Variants in HINT1 observed in about 807,000 individuals in gnomAD.
HINT1 encodes histidine triad nucleotide binding protein 1.
A neutral mutation model predicts 11.2 loss-of-function variants in HINT1; 12 were observed. The ratio of observed to expected loss-of-function variants is 1.07; its 90% CI spans 0.69 to 1.74. The LOEUF is 1.74. Ranked by LOEUF, HINT1 falls within the 40% of genes most tolerant of loss-of-function variation. HINT1 has a pLI of 0.00. For missense variants in HINT1, 150 were observed against 161.8 expected (o/e 0.93, Z 0.40); for synonymous variants, 42 against 52.6 (o/e 0.80, Z 0.87).
chr5:131,162,003 T>C (rs1198330829), intron 2 of HINT1: 1 of 164,464 alleles, frequency 6.1e-6, no homozygotes, highest in African/African-American at 2.4e-5. Flanking sequence ...CTTATGATTT[T>C]CTTAATAACC....
At chr5:131,161,846 C>A (rs1755257684) in intron 2 of HINT1, among the ~76,000 whole-genome samples, 1 of 152,136 alleles carries the variant, frequency 6.6e-6, no homozygotes, top group Admixed American at 6.6e-5. Flanking sequence ...TACTCATATG[C>A]AAATTTTCTT....
At chr5:131,160,909 G>C (rs570665687) in intron 2 of HINT1, 1 of 447,804 alleles carries the variant, frequency 2.2e-6, no homozygotes, top group Non-Finnish European at 4.5e-6. Flanking sequence ...TAAGTGTTCC[G>C]AGCAAGCTTA....
Position 131,165,095 on chromosome 5 carries a change from C to G in HINT1, c.111G>C (p.Arg37=). 6.2e-7 allele frequency: 1 copy of G among 1,613,710 alleles called. No homozygotes were observed. The highest frequency in any genetic ancestry group is 8.5e-7 in the Non-Finnish European group (1 of 1,179,880). The stretch of plus-strand genomic sequence containing the variant: ...GAGAGAGGTGGTGCCCAGTACCTAC[C>G]CGGTCATCCTCAAAAATGATTTTGG... ...IPAKIIFEDD[R]CLAFHDISPQ... The change falls in exon 1 of 3, where the codon CGG becomes CGC. Residue 37 remains arginine (R), a splice_region_variant and synonymous_variant. Transcript: ENST00000304043.
chr5:131,161,510 G>A (rs1448905610), intron 2 of HINT1, among the ~76,000 whole-genome samples: 2 of 151,200 alleles, frequency 1.3e-5, no homozygotes, highest in Non-Finnish European at 2.9e-5. Context: ...CAGGGGAATC[G>A]CTTGTACCCA....
chr5:131,162,108 G>C (rs1354963469), intron 2 of HINT1: 1 of 333,540 alleles, frequency 3.0e-6, no homozygotes, highest in Non-Finnish European at 5.5e-6. Flanking sequence ...GGCGGATCAC[G>C]AGGTCAGGAA....
intron 1 of HINT1, 41 bp downstream of exon 1, chr5:131,165,054 A>AC (rs1361168570): frequency 2.5e-6 from 4 of 1,612,294 alleles, no homozygotes; most frequent in African/African-American, 1.3e-5. Context: ...CGCGGACGAT[A>AC]CCCACCTCAG....
intron 2 of HINT1, chr5:131,162,178 G>C (rs777349067): frequency 4.7e-5 from 24 of 512,872 alleles, no homozygotes; most frequent in Non-Finnish European, 7.5e-5. Flanking sequence ...CAAAAAATTA[G>C]CCAGCCTTGG....
At chr5:131,162,150 C>A (rs1316646914) in intron 2 of HINT1, 1 of 463,456 alleles carries the variant, frequency 2.2e-6, no homozygotes, top group African/African-American at 2.0e-5. Context: ...ATGGTGAAAG[C>A]CGTCTCTACT....
Position 131,162,671 on chromosome 5 carries a change from A to T in HINT1, c.117T>A (p.Leu39=), listed in dbSNP as rs78949626. The T allele has an allele frequency of 1.9e-6, 3 of 1,597,184 alleles. No homozygotes were observed. The highest frequency in any genetic ancestry group is 2.6e-6 in the Non-Finnish European group (3 of 1,165,702). The part of the protein sequence containing the change: ...AKIIFEDDRC[L]AFHDISPQAP... ...CTTGAGGGGAAATGTCATGGAAAGC[A>T]AGGCACTAGGGAAAAGAGAAATAAA... Residue 39 remains leucine (L), a synonymous_variant, in exon 2 of 3, where the codon CTT becomes CTA. Coordinates refer to ENST00000304043, the MANE Select transcript of HINT1 (RefSeq NM_005340.7).
intron 2 of HINT1, chr5:131,162,272 G>A (rs1467331701): frequency 3.2e-6 from 2 of 615,816 alleles, no homozygotes; most frequent in Admixed American, 5.7e-5. Flanking sequence ...GCAGTGAGCC[G>A]AGTGCCACTG....
At chr5:131,162,360 A>C (rs1322431134) in intron 2 of HINT1, 5 of 920,066 alleles carry the variant, frequency 5.4e-6, no homozygotes, top group Non-Finnish European at 8.5e-6. Context: ...TGATAAGGAT[A>C]CGGAGAAGCT....
At chr5:131,163,541 G>A (rs1479654751) in intron 1 of HINT1, among the ~76,000 whole-genome samples, 2 of 150,020 alleles carry the variant, frequency 1.3e-5, no homozygotes, top group South Asian at 2.1e-4. Flanking sequence ...TGCCCTCCCC[G>A]TCCCATTACT....
At chr5:131,164,069 TA>T (rs1368888071) in intron 1 of HINT1, among the ~76,000 whole-genome samples, 1 of 152,172 alleles carries the variant, frequency 6.6e-6, no homozygotes, top group Non-Finnish European at 1.5e-5. Context: ...TTAATTTACC[TA>T]GAGGAACCTA....
At position 131,159,510 on chromosome 5, in the gene HINT1, C is replaced by T. The variant is rs1755195001; in HGVS notation, c.318G>A (p.Gln106=). The T allele has an allele frequency of 5.6e-6, 9 of 1,613,766 alleles. No homozygotes were observed. The African/African-American group carries it at 6.7e-5, about 12-fold the overall frequency. ...MVVNEGSDGG[Q]SVYHVHLHVL... ...CATGGAGATGAACGTGATAGACAGA[C>T]TGTCCACCATCTGAACCTTCATTCA... Residue 106 remains glutamine, a synonymous_variant, in exon 3 of 3, where the codon CAG becomes CAA. Coordinates refer to ENST00000304043, the MANE Select transcript of HINT1 (RefSeq NM_005340.7).
At chr5:131,160,873 G>A (rs1236710460) in intron 2 of HINT1, 1 of 456,828 alleles carries the variant, frequency 2.2e-6, no homozygotes, top group South Asian at 1.6e-5. Flanking sequence ...TGTATTAGAT[G>A]ATTTTGCCCA....
In HINT1 at chr5:131,165,097, G is replaced by T; in HGVS notation, c.109C>A (p.Arg37=). The T allele has an allele frequency of 1.2e-6, 2 of 1,613,680 alleles. No individual in the cohort carries two copies. Among genetic ancestry groups the T allele is most frequent in the Non-Finnish European group, 1.7e-6 (2 of 1,179,870 alleles). The change falls in exon 1 of 3, where the codon CGG becomes AGG. Residue 37 remains arginine (R), a splice_region_variant and synonymous_variant. Transcript: ENST00000304043. ...GAGAGGTGGTGCCCAGTACCTACCC[G>T]GTCATCCTCAAAAATGATTTTGGCT... ...IPAKIIFEDD[R]CLAFHDISPQ... is the part of the protein sequence containing the mutation.
At chr5:131,164,760 G>C (rs887598461) in intron 1 of HINT1, among the ~76,000 whole-genome samples, 1 of 152,152 alleles carries the variant, frequency 6.6e-6, no homozygotes, top group African/African-American at 2.4e-5. Flanking sequence ...ATACAGGCAA[G>C]GTCCGAGGCA....
intron 1 of HINT1, among the ~76,000 whole-genome samples, chr5:131,164,049 ATT>A (rs970998918): frequency 3.4e-5 from 5 of 149,240 alleles, no homozygotes; most frequent in Admixed American, 3.3e-4. Flanking sequence ...GAGACAAAGT[ATT>A]TTTTTTTTTA....
rs1755364693 is a variant in HINT1, at chr5:131,165,098, G to A, written c.108C>T (p.Asp36=). The A allele has an allele frequency of 6.2e-7, 1 of 1,613,684 alleles. No individual in the cohort carries two copies. Among genetic ancestry groups the A allele is most frequent in the Non-Finnish European group, 8.5e-7 (1 of 1,179,880 alleles). Residue 36 remains aspartate, a synonymous_variant, in exon 1 of 3, where the codon GAC becomes GAT. Coordinates refer to ENST00000304043, the MANE Select transcript of HINT1 (RefSeq NM_005340.7). ...AGAGGTGGTGCCCAGTACCTACCCG[G>A]TCATCCTCAAAAATGATTTTGGCTG... is the stretch of plus-strand genomic sequence containing the variant. ...EIPAKIIFED[D]RCLAFHDISP...
Sources: gnomAD v4.1 joint callset for allele counts (sites outside exome capture counted in the v4.1 genomes callset) on GRCh38, gnomAD v4.1.1 for gene constraint, MANE v1.5 for transcripts, NCBI Gene and HGNC (gene_info 2026-07-23, HGNC 2026-07-21) for gene names.